The following CRPPA variants were observed in gnomAD, a reference collection of about 807,000 sequenced individuals.
CRPPA encodes the protein CDP-L-ribitol pyrophosphorylase A, also known as D-ribitol-5-phosphate cytidylyltransferase.
In CRPPA, 43 loss-of-function variants were observed where a neutral mutation model predicts 52.0. The ratio of observed to expected loss-of-function variants is 0.83; its 90% CI spans 0.65 to 1.07. The LOEUF is 1.07. CRPPA is among the 50% of genes least tolerant of loss of function. The pLI is 0.00. For synonymous variants in CRPPA, 250 were observed against 203.5 expected (o/e 1.23, Z -1.94); for missense variants, 629 against 551.7 (o/e 1.14, Z -1.40).
At chr7:16,342,090 C>T (rs192386487) in intron 3 of CRPPA, among the ~76,000 whole-genome samples, 2 of 152,150 alleles carry the variant, frequency 1.3e-5, no homozygotes, top group Non-Finnish European at 2.9e-5. Context: ...CTTTATAAAA[C>T]TCTAATCATG....
intron 9 of CRPPA, among the ~76,000 whole-genome samples, chr7:16,127,646 A>G (rs2128371851): frequency 6.6e-6 from 1 of 152,262 alleles, no homozygotes; most frequent in East Asian, 1.9e-4. Context: ...CCAAAACAAA[A>G]CAAAAACCCA....
chr7:16,342,452 T>C (rs1254557066), intron 3 of CRPPA, among the ~76,000 whole-genome samples: 1 of 152,074 alleles, frequency 6.6e-6, no homozygotes, highest in East Asian at 1.9e-4. Flanking sequence ...TAGGAAAAGG[T>C]ATTCCCAACT....
intron 9 of CRPPA, among the ~76,000 whole-genome samples, chr7:16,146,938 G>T (rs576758898): frequency 2.0e-5 from 3 of 152,276 alleles, no homozygotes; most frequent in African/African-American, 4.8e-5. Context: ...AGTGTAAAGA[G>T]ATTAAATTAT....
At chr7:16,224,541 G>A (rs1782600158) in intron 8 of CRPPA, among the ~76,000 whole-genome samples, 1 of 152,002 alleles carries the variant, frequency 6.6e-6, no homozygotes, top group Non-Finnish European at 1.5e-5. Context: ...AAGGAAGGAT[G>A]GTCAAAATGA....
chr7:16,239,130 T>C (rs1339859824), intron 8 of CRPPA, among the ~76,000 whole-genome samples: 1 of 31,890 alleles, frequency 3.1e-5, no homozygotes, highest in East Asian at 9.4e-4. Context: ...AGAGCAAGAC[T>C]CTGTCTCAAA....
intron 9 of CRPPA, among the ~76,000 whole-genome samples, chr7:16,166,115 G>GT (rs1417716545): frequency 2.0e-5 from 3 of 152,072 alleles, no homozygotes; most frequent in South Asian, 2.1e-4. Context: ...ACCTGTGAGG[G>GT]TTTTTTTCCA....
chr7:16,170,300 G>A (rs973095105), intron 9 of CRPPA, among the ~76,000 whole-genome samples: 10 of 152,220 alleles, frequency 6.6e-5, no homozygotes, highest in Non-Finnish European at 1.3e-4. Flanking sequence ...TTGGAACCCA[G>A]TGTGTTCAGA....
intron 9 of CRPPA, among the ~76,000 whole-genome samples, chr7:16,179,747 C>T (rs1393193276): frequency 6.6e-6 from 1 of 152,014 alleles, no homozygotes; most frequent in Non-Finnish European, 1.5e-5. Context: ...GTTACAACAG[C>T]AACACGAAAC....
At chr7:16,244,292 T>C (rs1207117092) in intron 8 of CRPPA, among the ~76,000 whole-genome samples, 2 of 152,150 alleles carry the variant, frequency 1.3e-5, no homozygotes, top group Non-Finnish European at 2.9e-5. Context: ...AGACAAAAAG[T>C]TGATCTTCAT....
chr7:16,275,284 A>G (rs1245577986), intron 6 of CRPPA, among the ~76,000 whole-genome samples: 3 of 152,198 alleles, frequency 2.0e-5, no homozygotes, highest in Admixed American at 2.0e-4. Context: ...GCTTTAATTC[A>G]AAGTTGAAAA....
chr7:16,412,908 T>C (rs1029271412), intron 1 of CRPPA, among the ~76,000 whole-genome samples: 8 of 152,196 alleles, frequency 5.3e-5, no homozygotes, highest in African/African-American at 1.7e-4. Context: ...GAATAACAAA[T>C]ATTGCTTACA....
intron 8 of CRPPA, chr7:16,248,017 C>T (rs945591413): frequency 1.3e-5 from 2 of 151,908 alleles, no homozygotes; most frequent in African/African-American, 4.8e-5. Context: ...AGGATTGAGA[C>T]ACAATAGCAA....
intron 2 of CRPPA, among the ~76,000 whole-genome samples, chr7:16,383,223 A>AG (rs1787160313): frequency 6.6e-6 from 1 of 152,182 alleles, no homozygotes; most frequent in South Asian, 2.1e-4. Flanking sequence ...CAGGACCCTC[A>AG]GCTGCAGGTC....
At chr7:16,320,319 C>T (rs1785233478) in intron 3 of CRPPA, among the ~76,000 whole-genome samples, 2 of 152,002 alleles carry the variant, frequency 1.3e-5, no homozygotes, top group African/African-American at 4.8e-5. Flanking sequence ...GAGAATATGG[C>T]AGGGTTATTA....
chr7:16,372,735 GAC>G (rs1482692078), intron 3 of CRPPA, among the ~76,000 whole-genome samples: 1 of 152,132 alleles, frequency 6.6e-6, no homozygotes, highest in East Asian at 1.9e-4. Flanking sequence ...TGTATTAAAA[GAC>G]ACAGAATGGC....
intron 3 of CRPPA, among the ~76,000 whole-genome samples, chr7:16,340,392 T>C (rs780826675): frequency 5.3e-5 from 8 of 151,868 alleles, no homozygotes; most frequent in Admixed American, 2.0e-4. Context: ...TTAAAACTCA[T>C]CAATAAGAAA....
At chr7:16,209,273 C>CTTTTTTTTTTTTTTTTTTTT (rs34795937) in intron 9 of CRPPA, 3,822 of 122,830 alleles carry the variant, frequency 0.031, 665 homozygotes, top group Non-Finnish European at 0.052. Context: ...TTCTAAGTGT[C>CTTTTTTTTTTTTTTTTTTTT]TTTTTTTTTT....
At chr7:16,185,479 TA>T (rs1343948311) in intron 9 of CRPPA, among the ~76,000 whole-genome samples, 6 of 152,284 alleles carry the variant, frequency 3.9e-5, no homozygotes, top group Admixed American at 3.9e-4. Context: ...ATAGTAGTGT[TA>T]TTATAACAAG....
rs547883711 is a variant in CRPPA at position 16,398,250 on chromosome 7, G to A, written c.534+7811C>T. 7.4e-4 allele frequency among the ~76,000 whole-genome samples: 112 copies of A among 151,824 alleles called. 3 individuals carry two copies. The South Asian group carries it at 0.018, about 25-fold the overall frequency. On this transcript the variant is annotated intron_variant, in intron 2 of 9. Transcript: ENST00000407010. ...AACGTGACTGACACGTGACCAACAC[G>A]TGACTCACACGTGACCAGTGCATGA...
Sources: gnomAD v4.1 joint callset for allele counts (sites outside exome capture counted in the v4.1 genomes callset) on GRCh38, gnomAD v4.1.1 for gene constraint, MANE v1.5 for transcripts, NCBI Gene and HGNC (gene_info 2026-07-23, HGNC 2026-07-21) for gene names.